The following TAFA2 variants were observed in gnomAD, a reference collection of about 807,000 sequenced individuals.
The protein encoded by TAFA2 is chemokine-like protein TAFA-2.
Under a neutral mutation model 18.8 loss-of-function variants are expected in TAFA2, and 7 were observed. That is an observed-to-expected ratio of 0.37 (90% confidence interval 0.21 to 0.70). The LOEUF (loss-of-function observed/expected upper bound fraction) is 0.70. TAFA2 is among the 30% of genes least tolerant of loss of function. The probability of loss-of-function intolerance (pLI) is 0.53; values close to 1 mark genes in which losing one functional copy is unlikely to be tolerated. For missense variants in TAFA2, 122 were observed against 158.1 expected (o/e 0.77, Z 1.23); for synonymous variants, 60 against 54.2 (o/e 1.11, Z -0.47).
chr12:61,891,514 GGC>G (rs1875634299), intron 1 of TAFA2, among the ~76,000 whole-genome samples: 1 of 152,112 alleles, frequency 6.6e-6, no homozygotes, highest in Non-Finnish European at 1.5e-5. Context: ...TGGGTGTGGT[GGC>G]GCATGCCTGT....
At chr12:61,902,622 G>A (rs1485342172) in intron 1 of TAFA2, among the ~76,000 whole-genome samples, 2 of 152,096 alleles carry the variant, frequency 1.3e-5, no homozygotes, top group Admixed American at 1.3e-4. Flanking sequence ...CAGCACCTCA[G>A]GCCCTGTTAG....
In TAFA2 at chr12:61,937,547, A is replaced by G. The variant is rs149501731; in HGVS notation, c.-1-70121T>C. Among the ~76,000 whole-genome samples, 43 of 152,290 alleles carry G rather than the reference A, an allele frequency of 2.8e-4. No individual in the cohort carries two copies. In the East Asian group the frequency reaches 7.9e-3, roughly 28 times the overall value. ...TTTGACCAAGCATACAAAAACATAAATTGGCAAAAGGACACACCCTATTTA... is the reference window on the plus strand; with the variant it reads ...TTTGACCAAGCATACAAAAACATAAGTTGGCAAAAGGACACACCCTATTTA... On this transcript the variant is annotated intron_variant, in intron 1 of 4. Transcript: ENST00000416284.
intron 2 of TAFA2, among the ~76,000 whole-genome samples, chr12:61,761,089 G>T (rs1464298910): frequency 2.0e-5 from 3 of 151,862 alleles, no homozygotes; most frequent in African/African-American, 7.2e-5. Flanking sequence ...TGGCTCTATG[G>T]TACCCCAGAA....
At chr12:61,951,830 A>T (rs959035096) in intron 1 of TAFA2, among the ~76,000 whole-genome samples, 1 of 151,942 alleles carries the variant, frequency 6.6e-6, no homozygotes, top group Admixed American at 6.6e-5. Flanking sequence ...TTGTAAACTG[A>T]TTGATCTTAA....
chr12:62,220,443 CT>C (rs1267619537), intron 1 of TAFA2, among the ~76,000 whole-genome samples: 40 of 152,292 alleles, frequency 2.6e-4, no homozygotes, highest in African/African-American at 9.6e-4. Context: ...TCACTCACTG[CT>C]GGTAGTAATG....
At chr12:62,244,618 T>C (rs960210663) in intron 1 of TAFA2, among the ~76,000 whole-genome samples, 5 of 152,172 alleles carry the variant, frequency 3.3e-5, no homozygotes, top group African/African-American at 9.7e-5. Flanking sequence ...AGGCATGAGG[T>C]TGAAACATCT....
chr12:62,089,191 C>T (rs1394883801), intron 1 of TAFA2, among the ~76,000 whole-genome samples: 2 of 152,058 alleles, frequency 1.3e-5, no homozygotes, highest in African/African-American at 2.4e-5. Flanking sequence ...AAAGCAAATT[C>T]GTCAAAATTT....
At chr12:62,061,140 G>A (rs1882337535) in intron 1 of TAFA2, among the ~76,000 whole-genome samples, 2 of 152,060 alleles carry the variant, frequency 1.3e-5, no homozygotes, top group South Asian at 4.1e-4. Context: ...AAAATCTACA[G>A]TGCCATATAA....
chr12:62,162,119 G>A (rs879700940), intron 1 of TAFA2, among the ~76,000 whole-genome samples: 3 of 152,136 alleles, frequency 2.0e-5, no homozygotes, highest in Non-Finnish European at 4.4e-5. Context: ...ACTCAGGAAT[G>A]TCTTTCTCAA....
intron 2 of TAFA2, among the ~76,000 whole-genome samples, chr12:61,765,397 C>T (rs1377317707): frequency 6.6e-6 from 1 of 152,032 alleles, no homozygotes; most frequent in Non-Finnish European, 1.5e-5. Flanking sequence ...TAATCATAGG[C>T]TATGTTAAGC....
At chr12:62,020,854 T>C (rs1223825710) in intron 1 of TAFA2, among the ~76,000 whole-genome samples, 1 of 152,166 alleles carries the variant, frequency 6.6e-6, no homozygotes, top group Admixed American at 6.5e-5. Flanking sequence ...CTGAAAATAG[T>C]TTTTACATTT....
At chr12:62,103,666 G>A (rs139744551) in intron 1 of TAFA2, among the ~76,000 whole-genome samples, 1 of 152,174 alleles carries the variant, frequency 6.6e-6, no homozygotes, top group East Asian at 1.9e-4. Flanking sequence ...GCTTGAACCC[G>A]GGAGGCGGAG....
intron 1 of TAFA2, among the ~76,000 whole-genome samples, chr12:62,161,844 T>C (rs956869268): frequency 2.0e-5 from 3 of 152,204 alleles, no homozygotes; most frequent in Non-Finnish European, 4.4e-5. Context: ...ATGTTTAATA[T>C]TATAAGTGTT....
intron 2 of TAFA2, among the ~76,000 whole-genome samples, chr12:61,832,371 G>C (rs564378085): frequency 1.1e-3 from 172 of 152,100 alleles, no homozygotes; most frequent in African/African-American, 4.0e-3. Context: ...ACTTGCAGGT[G>C]CCCTGGTCCA....
intron 1 of TAFA2, among the ~76,000 whole-genome samples, chr12:62,227,637 T>C (rs1463012449): frequency 6.6e-6 from 1 of 152,192 alleles, no homozygotes; most frequent in African/African-American, 2.4e-5. Flanking sequence ...TATAATAACA[T>C]TTGTCTATTT....
intron 2 of TAFA2, among the ~76,000 whole-genome samples, chr12:61,862,488 G>A (rs1379865800): frequency 6.6e-6 from 1 of 152,150 alleles, no homozygotes; most frequent in Non-Finnish European, 1.5e-5. Context: ...TTTCTACAGT[G>A]TTCCTACATC....
chr12:62,035,508 T>G (rs1881574629), intron 1 of TAFA2, among the ~76,000 whole-genome samples: 1 of 150,790 alleles, frequency 6.6e-6, no homozygotes, highest in South Asian at 2.1e-4. Context: ...GGAAGAGGGT[T>G]GATATAGGGA....
At chr12:62,004,738 T>C (rs1040738925) in intron 1 of TAFA2, among the ~76,000 whole-genome samples, 1 of 152,100 alleles carries the variant, frequency 6.6e-6, no homozygotes, top group African/African-American at 2.4e-5. Flanking sequence ...CCCATATTCA[T>C]TGCAGCATTA....
At chr12:61,854,780 G>A (rs1873816944) in intron 2 of TAFA2, among the ~76,000 whole-genome samples, 1 of 152,000 alleles carries the variant, frequency 6.6e-6, no homozygotes, top group Admixed American at 6.6e-5. Flanking sequence ...GATATATTTA[G>A]AAAAGCAAGG....
Sources: gnomAD v4.1 joint callset for allele counts (sites outside exome capture counted in the v4.1 genomes callset) on GRCh38, gnomAD v4.1.1 for gene constraint, MANE v1.5 for transcripts, NCBI Gene and HGNC (gene_info 2026-07-23, HGNC 2026-07-21) for gene names.